ATP10B: variants seen among roughly 807,000 people sequenced by gnomAD.
The protein encoded by ATP10B is phospholipid-transporting ATPase VB.
In ATP10B, 122 loss-of-function variants were observed where a neutral mutation model predicts 141.2. The ratio of observed to expected loss-of-function variants is 0.86; its 90% confidence interval spans 0.75 to 1.00. The LOEUF (loss-of-function observed/expected upper bound fraction) is 1.00, where lower values mean the gene tolerates loss of function less well. Among genes scored for constraint, ATP10B ranks in the 50% least tolerant of loss-of-function variants. The pLI is 0.00. For synonymous variants in ATP10B, 685 were observed against 692.0 expected (o/e 0.99, Z 0.16); for missense variants, 1,876 against 1,825.3 (o/e 1.03, Z -0.51).
chr5:160,776,367 A>G (rs1320997427), intron 2 of ATP10B, among the ~76,000 whole-genome samples: 4 of 152,214 alleles, frequency 2.6e-5, no homozygotes, highest in Admixed American at 2.0e-4. Context: ...AGGAGAAACA[A>G]TCTTTCAGGA....
chr5:160,909,907 C>T, the ATP10B span, among the ~76,000 whole-genome samples: 1 of 152,142 alleles, frequency 6.6e-6, no homozygotes, highest in Non-Finnish European at 1.5e-5. Context: ...AGCAGAACAA[C>T]GACTGTCAGG....
intron 1 of ATP10B, among the ~76,000 whole-genome samples, chr5:160,816,996 C>T (rs553387286): frequency 1.4e-4 from 21 of 152,248 alleles, no homozygotes; most frequent in Non-Finnish European, 2.4e-4. Context: ...ATTGAAGGGA[C>T]GTATATCAAA....
At chr5:160,780,856 T>C (rs1454244140) in intron 2 of ATP10B, among the ~76,000 whole-genome samples, 5 of 152,196 alleles carry the variant, frequency 3.3e-5, no homozygotes, top group African/African-American at 1.2e-4. Context: ...GTTATATTTA[T>C]CTAAATTCAA....
At chr5:160,652,429 T>TCTTA (rs1327710773) in intron 7 of ATP10B, among the ~76,000 whole-genome samples, 1 of 126,606 alleles carries the variant, frequency 7.9e-6, no homozygotes, top group Non-Finnish European at 1.6e-5. Flanking sequence ...CTGTCAGGGT[T>TCTTA]CTTATTTATT....
intron 2 of ATP10B, among the ~76,000 whole-genome samples, chr5:160,752,412 T>C (rs1768220781): frequency 6.6e-6 from 1 of 152,138 alleles, no homozygotes; most frequent in Non-Finnish European, 1.5e-5. Flanking sequence ...ACTATTCCAC[T>C]TAGCATACAA....
At chr5:160,873,753 G>C in the ATP10B span, among the ~76,000 whole-genome samples, 1 of 152,232 alleles carries the variant, frequency 6.6e-6, no homozygotes, top group Non-Finnish European at 1.5e-5. Context: ...GTCCCTTTCC[G>C]AGTCAAAGAA....
At chr5:160,587,868 C>T (rs1756014853) in intron 24 of ATP10B, among the ~76,000 whole-genome samples, 1 of 152,136 alleles carries the variant, frequency 6.6e-6, no homozygotes, top group Non-Finnish European at 1.5e-5. Context: ...AGATGGAGTC[C>T]TGCTCCATAG....
chr5:160,586,206 C>T (rs1755888618), intron 24 of ATP10B, among the ~76,000 whole-genome samples: 3 of 152,176 alleles, frequency 2.0e-5, no homozygotes, highest in South Asian at 4.1e-4. Context: ...TGAACTCCCA[C>T]TTATCAGTGA....
At chr5:160,636,151 A>G in intron 11 of ATP10B, 31 bp downstream of exon 11, 1 of 1,570,442 alleles carries the variant, frequency 6.4e-7, no homozygotes, top group Non-Finnish European at 8.6e-7. Context: ...CACATATCTT[A>G]TTGGGCCCCT....
intron 1 of ATP10B, among the ~76,000 whole-genome samples, chr5:160,841,320 C>T (rs1367861159): frequency 6.6e-6 from 1 of 152,006 alleles, no homozygotes; most frequent in Non-Finnish European, 1.5e-5. Context: ...TGCAAAGAAG[C>T]TTACATGTTA....
intron 2 of ATP10B, among the ~76,000 whole-genome samples, chr5:160,761,063 G>A (rs529709567): frequency 3.9e-5 from 6 of 152,066 alleles, no homozygotes; most frequent in Admixed American, 1.3e-4. Flanking sequence ...TACTGCAGCT[G>A]GTACACTCTT....
chr5:160,894,137 TCTC>T, the ATP10B span, among the ~76,000 whole-genome samples: 5 of 152,022 alleles, frequency 3.3e-5, no homozygotes, highest in Admixed American at 6.6e-5. Flanking sequence ...ACGCGCCTCT[TCTC>T]CTCCAAAGGA....
chr5:160,912,397 T>A, the ATP10B span, among the ~76,000 whole-genome samples: 51 of 123,410 alleles, frequency 4.1e-4, no homozygotes, highest in African/African-American at 1.4e-3. Context: ...GCCAATATCG[T>A]GAAACCCTGT....
intron 16 of ATP10B, among the ~76,000 whole-genome samples, chr5:160,616,700 C>T (rs1428976780): frequency 6.6e-6 from 1 of 152,176 alleles, no homozygotes; most frequent in Non-Finnish European, 1.5e-5. Context: ...TTATTTTGTT[C>T]AAGCATCAAA....
At chr5:160,747,194 G>T (rs1199886866) in intron 2 of ATP10B, among the ~76,000 whole-genome samples, 1 of 152,136 alleles carries the variant, frequency 6.6e-6, no homozygotes, top group African/African-American at 2.4e-5. Flanking sequence ...CCAGGCTAAA[G>T]GACAGTCACC....
At chr5:160,566,587 T>C (rs1206889959) in intron 25 of ATP10B, among the ~76,000 whole-genome samples, 1 of 147,426 alleles carries the variant, frequency 6.8e-6, no homozygotes, top group East Asian at 1.9e-4. Flanking sequence ...AAGGATTTTA[T>C]CCCCCTGCCA....
chr5:160,809,862 T>C (rs1191479684), intron 1 of ATP10B, among the ~76,000 whole-genome samples: 1 of 152,182 alleles, frequency 6.6e-6, no homozygotes, highest in East Asian at 1.9e-4. Context: ...ATTCATTCTA[T>C]TTTCTTTAAT....
the ATP10B span, among the ~76,000 whole-genome samples, chr5:160,880,961 C>T: frequency 2.6e-5 from 4 of 152,128 alleles, no homozygotes; most frequent in Non-Finnish European, 4.4e-5. Context: ...AAATTAAAAA[C>T]TTCTGCTCTC....
At chr5:160,867,126 T>TATGTTTCTGAA in the ATP10B span, among the ~76,000 whole-genome samples, 1 of 152,084 alleles carries the variant, frequency 6.6e-6, no homozygotes, top group Non-Finnish European at 1.5e-5. Context: ...TTCAGAAAGT[T>TATGTTTCTGAA]ATTATGAAAA....
Sources: allele counts gnomAD v4.1 joint callset (sites outside exome capture counted in the v4.1 genomes callset), GRCh38; gene constraint gnomAD v4.1.1; transcripts MANE v1.5; gene names NCBI Gene and HGNC (gene_info 2026-07-23, HGNC 2026-07-21).